HPS3: variants seen among roughly 807,000 people sequenced by gnomAD.
HPS3 encodes HPS3 biogenesis of lysosomal organelles complex 2 subunit 1, also known as BLOC-2 complex member HPS3.
Under a neutral mutation model 110.9 loss-of-function variants are expected in HPS3, and 79 were observed. The ratio of observed to expected loss-of-function variants is 0.71; its 90% confidence interval spans 0.59 to 0.86. HPS3 has a LOEUF of 0.86. Ranked by LOEUF, HPS3 falls within the 40% of genes least tolerant of loss-of-function variation. The probability of loss-of-function intolerance (pLI) is 0.00; values close to 1 mark genes in which losing one functional copy is unlikely to be tolerated. For missense variants in HPS3, 1,197 were observed against 1,206.2 expected (o/e 0.99, Z 0.11); for synonymous variants, 428 against 451.0 (o/e 0.95, Z 0.65).
At chr3:149,143,133 G>A (rs536339883) in intron 4 of HPS3, among the ~76,000 whole-genome samples, 5 of 152,266 alleles carry the variant, frequency 3.3e-5, no homozygotes, top group South Asian at 4.1e-4. Context: ...GATCCAGTGA[G>A]CTTCCCATAG....
chr3:149,162,953 C>T, intron 13 of HPS3, 75 bp downstream of exon 13: 1 of 1,224,276 alleles, frequency 8.2e-7, no homozygotes, highest in Non-Finnish European at 1.2e-6. Context: ...TTTTTAATAA[C>T]TTATTATAAA....
At position 149,140,189 on chromosome 3, in the gene HPS3, G is replaced by T. The variant is rs769747723; in HGVS notation, c.403G>T (p.Ala135Ser). The T allele has an allele frequency of 1.9e-6, 3 of 1,614,112 alleles. No homozygotes were observed. Among genetic ancestry groups the T allele is most frequent in the Admixed American group, 1.7e-5 (1 of 60,018 alleles). The change falls in exon 2 of 17, where the codon GCC becomes TCC. Residue 135 changes from alanine (A) to serine (S), a missense_variant. Ala to Ser is a moderately conservative substitution (Grantham distance 99). Coordinates refer to ENST00000296051, the MANE Select transcript of HPS3 (RefSeq NM_032383.5). ...MYIIEMPLSE[A>S]PLCISCCPVK... ...CATTATTGAAATGCCGCTTTCGGAG[G>T]CCCCCTTGTGCATTTCCTGTTGCCC...
At chr3:149,166,821 T>C (rs1724470825) in intron 14 of HPS3, among the ~76,000 whole-genome samples, 1 of 152,196 alleles carries the variant, frequency 6.6e-6, no homozygotes, top group African/African-American at 2.4e-5. Context: ...AATGATTGCT[T>C]TCTATTAAAG....
intron 1 of HPS3, among the ~76,000 whole-genome samples, chr3:149,136,506 A>C (rs1722106383): frequency 6.6e-6 from 1 of 152,152 alleles, no homozygotes. Flanking sequence ...ATTACTGGGC[A>C]AAGAACATAA....
chr3:149,141,229 A>G (rs1318281158), intron 3 of HPS3, 41 bp downstream of exon 3: 2 of 1,570,452 alleles, frequency 1.3e-6, no homozygotes, highest in East Asian at 2.3e-5. Flanking sequence ...CATTTTATGT[A>G]TATATGCCTG....
rs780981065 is a variant in HPS3 at position 149,155,231 on chromosome 3, T to A, written c.1509+16T>A. 8.0e-7 allele frequency: 1 copy of A among 1,250,714 alleles called. No homozygotes were observed. Among genetic ancestry groups the A allele is most frequent in the Non-Finnish European group, 1.2e-6 (1 of 848,858 alleles). 77.5% of individuals were successfully genotyped at this position (1,250,714 alleles called of 1,614,324 possible). A position where few individuals can be genotyped will look rare whatever the true frequency, so the allele number is the denominator to read the frequency against. On this transcript the variant is annotated intron_variant, in intron 8 of 16. Transcript: ENST00000296051. ...CAAAGAGATGGTACTCTTTTCAAAC[T>A]TCTGATTCTTGTTTGTAGATATTTA...
chr3:149,162,099 A>G (rs780812380), intron 11 of HPS3, 49 bp from the exon 12 acceptor site: 5 of 1,447,730 alleles, frequency 3.5e-6, no homozygotes, highest in South Asian at 2.3e-5. Flanking sequence ...AAAATGGACA[A>G]TCTAAATACA....
chr3:149,162,550 T>A, intron 12 of HPS3, 140 bp from the exon 13 acceptor site: 1 of 1,048,790 alleles, frequency 9.5e-7, no homozygotes, highest in Non-Finnish European at 1.5e-6. Flanking sequence ...AATGTCTAAA[T>A]TTGCTTTTGC....
At chr3:149,139,909 T>C in intron 1 of HPS3, 95 bp from the exon 2 acceptor site, 1 of 1,164,716 alleles carries the variant, frequency 8.6e-7, no homozygotes, top group Non-Finnish European at 1.3e-6. Flanking sequence ...AATTCGACCA[T>C]TTGTGTTAGA....
intron 1 of HPS3, among the ~76,000 whole-genome samples, chr3:149,131,135 A>AC (rs1721744073): frequency 1.1e-5 from 1 of 93,406 alleles, no homozygotes; most frequent in Non-Finnish European, 2.8e-5. Context: ...AAAAAAAAAA[A>AC]AAAAACAAAA....
intron 10 of HPS3, among the ~76,000 whole-genome samples, chr3:149,159,412 A>C (rs111799549): frequency 3.8e-4 from 58 of 152,288 alleles, no homozygotes; most frequent in African/African-American, 1.4e-3. Context: ...AAAATTAAAA[A>C]ATTAGCTAGG....
chr3:149,140,395 CTTAGAAGT>C lies in HPS3; in HGVS notation c.610_617del (p.Glu205AsnfsTer9). The C allele has an allele frequency of 6.2e-7, 1 of 1,610,928 alleles. No homozygotes were observed. Among genetic ancestry groups the C allele is most frequent in the Non-Finnish European group, 8.5e-7 (1 of 1,178,374 alleles). On this transcript the variant is annotated frameshift_variant, in exon 2 of 17. Coordinates refer to ENST00000296051, the MANE Select transcript of HPS3 (RefSeq NM_032383.5). LOFTEE classifies it high-confidence loss of function. ...TTGGATATGTTGCTGTCATGTCAGA[CTTAGAAGT>C]CTTAATCGTAAAACTGGAGTCAGGC...
intron 4 of HPS3, among the ~76,000 whole-genome samples, chr3:149,145,031 G>A (rs1259717074): frequency 6.6e-6 from 1 of 152,044 alleles, no homozygotes; most frequent in Non-Finnish European, 1.5e-5. Flanking sequence ...ACTCAGGCTT[G>A]CTCAGATTAT....
chr3:149,163,737 T>G lies in HPS3; in HGVS notation c.2482-105T>G. Reference sequence around the variant, plus strand: ...CATTCCCAGGAAAGTATATACCTAATTCTATGACATGGCAGAGAATTAATG... The same window carrying G: ...CATTCCCAGGAAAGTATATACCTAAGTCTATGACATGGCAGAGAATTAATG... On this transcript the variant is annotated intron_variant, in intron 13 of 16. Transcript: ENST00000296051. 3 of 700,084 alleles carry G rather than the reference T, an allele frequency of 4.3e-6. 1 individual carries two copies. The highest frequency in any genetic ancestry group is 7.7e-6 in the Non-Finnish European group (3 of 391,706). The allele number at this position is 700,084 out of a possible 1,614,324, so 43.4% of individuals were successfully genotyped here.
At chr3:149,169,536 G>T (rs567324549) in intron 16 of HPS3, among the ~76,000 whole-genome samples, 1 of 152,194 alleles carries the variant, frequency 6.6e-6, no homozygotes, top group East Asian at 1.9e-4. Flanking sequence ...GTAATTGTCC[G>T]TGTGCGTGGG....
chr3:149,149,184 C>G (rs544317854), intron 5 of HPS3, among the ~76,000 whole-genome samples: 4 of 149,430 alleles, frequency 2.7e-5, no homozygotes, highest in Non-Finnish European at 5.9e-5. Flanking sequence ...AGGGTGGTCT[C>G]GATCTCCTGA....
chr3:149,152,908 C>G (rs1272593478), intron 6 of HPS3, among the ~76,000 whole-genome samples: 4 of 152,196 alleles, frequency 2.6e-5, no homozygotes, highest in Admixed American at 2.6e-4. Context: ...CTCTAGTTTA[C>G]CTGACATGTC....
chr3:149,169,937 T>C (rs114675469), intron 16 of HPS3, among the ~76,000 whole-genome samples: 1,682 of 152,334 alleles, frequency 0.011, 31 homozygotes, highest in African/African-American at 0.038. Context: ...CATTTAGATA[T>C]ATCATTTATA....
intron 6 of HPS3, 127 bp from the exon 7 acceptor site, chr3:149,153,367 T>C: frequency 1.3e-6 from 1 of 794,052 alleles, no homozygotes; most frequent in Non-Finnish European, 2.1e-6. Context: ...TTTGTTTGTT[T>C]TTTGGTGGTG....
Sources: gnomAD v4.1 joint callset for allele counts (sites outside exome capture counted in the v4.1 genomes callset) on GRCh38, gnomAD v4.1.1 for gene constraint, MANE v1.5 for transcripts, NCBI Gene and HGNC (gene_info 2026-07-23, HGNC 2026-07-21) for gene names.